Variants in ALDH1L1 observed in about 807,000 individuals in gnomAD.
ALDH1L1 encodes the protein cytosolic 10-formyltetrahydrofolate dehydrogenase.
ALDH1L1 carries 68 observed loss-of-function variants against 101.1 expected under a neutral mutation model. That is an observed-to-expected ratio of 0.67 (90% CI 0.55 to 0.82). The LOEUF (loss-of-function observed/expected upper bound fraction) is 0.82, where lower values mean the gene tolerates loss of function less well. Among genes scored for constraint, ALDH1L1 ranks in the 40% least tolerant of loss-of-function variants. The pLI is 0.00. For missense variants in ALDH1L1, 1,087 were observed against 1,172.7 expected (o/e 0.93, Z 1.07); for synonymous variants, 486 against 470.8 (o/e 1.03, Z -0.42).
At chr3:126,143,752 G>A (rs2080616212) in intron 9 of ALDH1L1, among the ~76,000 whole-genome samples, 2 of 152,048 alleles carry the variant, frequency 1.3e-5, no homozygotes, top group African/African-American at 2.4e-5. Flanking sequence ...AAATCAGCCC[G>A]GGCAACATAG....
rs188304045 is a variant in ALDH1L1, at chr3:126,144,512, T to C, written c.1076+2323A>G. ...TGATACTGGCATAAACACAGATATA[T>C]AGACCAATGAACAAGATAGCCTAGA... is the stretch of plus-strand genomic sequence containing the variant. On this transcript the variant is annotated intron_variant, in intron 9 of 22. Coordinates refer to ENST00000393434, the MANE Select transcript of ALDH1L1 (RefSeq NM_012190.4). Among the ~76,000 whole-genome samples the C allele has an allele frequency of 4.9e-4, 75 of 152,336 alleles. 1 individual carries two copies. The South Asian group carries it at 0.015, about 30-fold the overall frequency.
intron 10 of ALDH1L1, among the ~76,000 whole-genome samples, chr3:126,137,485 T>C (rs796579441): frequency 3.3e-5 from 5 of 152,368 alleles, no homozygotes; most frequent in African/African-American, 1.2e-4. Context: ...TTGTCACACT[T>C]CCATACACAC....
chr3:126,127,488 G>C (rs531945045), intron 14 of ALDH1L1, among the ~76,000 whole-genome samples: 2 of 152,232 alleles, frequency 1.3e-5, no homozygotes, highest in African/African-American at 2.4e-5. Context: ...CTGCATGGAC[G>C]GTGAGGGTGG....
At chr3:126,197,251 C>T (rs563755217) in intron 1 of ALDH1L1, among the ~76,000 whole-genome samples, 4 of 152,288 alleles carry the variant, frequency 2.6e-5, no homozygotes, top group South Asian at 2.1e-4. Context: ...TGCTGCCTCC[C>T]GGGCCTAATG....
chr3:126,125,224 G>A lies in ALDH1L1; in HGVS notation c.1800+392C>T, dbSNP rs549673493. 2.6e-5 allele frequency among the ~76,000 whole-genome samples: 4 copies of A among 152,274 alleles called. No individual in the cohort carries two copies. In the South Asian group the frequency reaches 8.3e-4, roughly 32 times the overall value. The stretch of plus-strand genomic sequence containing the variant: ...CACCGCTCACCCTGCTTCTCTCCAG[G>A]ACTTCTGGTCTCGGAAGCCACATAA... On this transcript the variant is annotated intron_variant, in intron 15 of 22. Transcript: ENST00000393434.
chr3:126,118,058 C>T lies in ALDH1L1; in HGVS notation c.1929G>A (p.Val643=), dbSNP rs753813492. The T allele has an allele frequency of 1.2e-6, 2 of 1,613,958 alleles. No individual in the cohort carries two copies. Among genetic ancestry groups the T allele is most frequent in the Non-Finnish European group, 1.7e-6 (2 of 1,180,028 alleles). ...TGGAGCCTGTGAACCCGATTTTCCT[C>T]ACATCAGGATGGTCTGAGAGTCTCT... ...VGQRLSDHPD[V]RKIGFTGSTE... is the part of the protein sequence containing the mutation. Residue 643 remains valine (V), a synonymous_variant, in exon 17 of 23, where the codon GTG becomes GTA. Transcript: ENST00000393434.
At chr3:126,150,691 G>T (rs2080793033) in intron 7 of ALDH1L1, 160 bp from the exon 8 acceptor site, 2 of 797,694 alleles carry the variant, frequency 2.5e-6, no homozygotes, top group South Asian at 3.6e-5. Flanking sequence ...GAATAGCTGG[G>T]ATTACAGGCG....
chr3:126,139,444 G>A (rs376920026), intron 9 of ALDH1L1, among the ~76,000 whole-genome samples: 38 of 152,190 alleles, frequency 2.5e-4, no homozygotes, highest in East Asian at 2.3e-3. Context: ...TATATTTCCC[G>A]AATTACCACA....
chr3:126,106,055 C>T (rs766017092), intron 21 of ALDH1L1, 130 bp from the exon 22 acceptor site: 55 of 996,036 alleles, frequency 5.5e-5, no homozygotes, highest in African/African-American at 4.6e-4. Flanking sequence ...CGGGCTGCAG[C>T]GCCGGGGGCA....
At chr3:126,166,001 G>A (rs1020784358) in intron 1 of ALDH1L1, among the ~76,000 whole-genome samples, 2 of 150,662 alleles carry the variant, frequency 1.3e-5, no homozygotes, top group Non-Finnish European at 3.0e-5. Context: ...GTTCCTTTAG[G>A]TGAAGTTAGT....
chr3:126,126,154 G>C (rs1279386978), intron 14 of ALDH1L1, among the ~76,000 whole-genome samples: 1 of 152,194 alleles, frequency 6.6e-6, no homozygotes, highest in Non-Finnish European at 1.5e-5. Context: ...AAGAAGAGAA[G>C]ACAGAGTCAG....
At chr3:126,189,406 C>T (rs1018127982) in intron 1 of ALDH1L1, among the ~76,000 whole-genome samples, 1 of 152,132 alleles carries the variant, frequency 6.6e-6, no homozygotes, top group Non-Finnish European at 1.5e-5. Flanking sequence ...GAAAATTTCC[C>T]CATGGCCAGC....
rs761754790 is a variant in ALDH1L1, at chr3:126,131,544, G to T, written c.1473-10C>A. 1.3e-6 allele frequency: 2 copies of T among 1,597,592 alleles called. No individual in the cohort carries two copies. Among genetic ancestry groups the T allele is most frequent in the Non-Finnish European group, 1.7e-6 (2 of 1,166,872 alleles). ...CATGAGATCTGCCAACCTGACCAGGGTGAGGGGAAGCGGGAGGTGGGCTCA... is the reference window on the plus strand; with the variant it reads ...CATGAGATCTGCCAACCTGACCAGGTTGAGGGGAAGCGGGAGGTGGGCTCA... On this transcript the variant is annotated splice_polypyrimidine_tract_variant and intron_variant, in intron 12 of 22. Coordinates refer to ENST00000393434, the MANE Select transcript of ALDH1L1 (RefSeq NM_012190.4).
At chr3:126,107,343 G>T in intron 20 of ALDH1L1, 97 bp from the exon 21 acceptor site, 1 of 964,698 alleles carries the variant, frequency 1.0e-6, no homozygotes, top group South Asian at 1.3e-5. Context: ...AGCCACCTGC[G>T]GATGACCCGA....
upstream of ALDH1L1, among the ~76,000 whole-genome samples, chr3:126,186,203 A>G (rs1350845686): frequency 6.6e-6 from 1 of 152,260 alleles, no homozygotes; most frequent in East Asian, 1.9e-4. Flanking sequence ...ATTTTACCAC[A>G]ATTAAAAATA....
chr3:126,135,475 C>T (rs766078107), intron 12 of ALDH1L1, 60 bp downstream of exon 12: 49 of 1,537,304 alleles, frequency 3.2e-5, no homozygotes, highest in South Asian at 5.0e-5. Flanking sequence ...AAGTCCCCCC[C>T]GTGCCACTGC....
At position 126,107,364 on chromosome 3, in the gene ALDH1L1, G is replaced by A. The variant is rs901685086; in HGVS notation, c.2348-118C>T. ...CTGCGGATGACCCGACATAAGCACCGGGTCACGGCACCCGTGTGATGGGTG... is the reference window on the plus strand; with the variant it reads ...CTGCGGATGACCCGACATAAGCACCAGGTCACGGCACCCGTGTGATGGGTG... On this transcript the variant is annotated intron_variant, in intron 20 of 22. Transcript: ENST00000393434. The A allele has an allele frequency of 1.2e-4, 92 of 791,094 alleles. No individual in the cohort carries two copies. The African/African-American group carries it at 1.2e-3, about 10-fold the overall frequency. 49.0% of individuals were successfully genotyped at this position (791,094 alleles called of 1,614,324 possible). A position where few individuals can be genotyped will look rare whatever the true frequency, so the allele number is the denominator to read the frequency against.
chr3:126,153,651 T>G, intron 6 of ALDH1L1, 70 bp from the exon 7 acceptor site: 1 of 1,559,662 alleles, frequency 6.4e-7, no homozygotes, highest in Non-Finnish European at 8.7e-7. Flanking sequence ...CCCAGGCAGG[T>G]CTGAGCAGGG....
intron 1 of ALDH1L1, among the ~76,000 whole-genome samples, chr3:126,190,280 T>C (rs1003312809): frequency 3.3e-5 from 5 of 152,236 alleles, no homozygotes; most frequent in African/African-American, 1.2e-4. Context: ...ACCTGAAGCT[T>C]TCATTGTCTT....
Sources: allele counts gnomAD v4.1 joint callset (sites outside exome capture counted in the v4.1 genomes callset), GRCh38; gene constraint gnomAD v4.1.1; transcripts MANE v1.5; gene names NCBI Gene and HGNC (gene_info 2026-07-23, HGNC 2026-07-21).